UCHL5: variants seen among roughly 807,000 people sequenced by gnomAD.
The protein encoded by UCHL5 is ubiquitin C-terminal hydrolase L5.
Under a neutral mutation model 53.8 loss-of-function variants are expected in UCHL5, and 34 were observed. The observed-to-expected ratio is 0.63, with a 90% confidence interval of 0.48 to 0.84. UCHL5 has a LOEUF of 0.84. UCHL5 is among the 40% of genes least tolerant of loss of function. UCHL5 has a pLI of 0.00. For missense variants in UCHL5, 290 were observed against 385.6 expected, an observed-to-expected ratio of 0.75 and a Z score of 2.08; for synonymous variants, 111 against 126.3, an observed-to-expected ratio of 0.88 and a Z score of 0.81.
chr1:193,043,208 T>A (rs983596038), intron 3 of UCHL5, among the ~76,000 whole-genome samples: 2 of 140,560 alleles, frequency 1.4e-5, no homozygotes, highest in South Asian at 2.3e-4. Context: ...TTGTTTTTTT[T>A]ATGCCTATGC....
At chr1:193,040,356 T>C (rs1316280965) in intron 3 of UCHL5, among the ~76,000 whole-genome samples, 1 of 152,124 alleles carries the variant, frequency 6.6e-6, no homozygotes, top group East Asian at 1.9e-4. Context: ...TAGACATTTC[T>C]CAAAAGACAT....
Position 193,013,079 on chromosome 1 carries a change from G to A in UCHL5, c.*3272C>T, listed in dbSNP as rs1235543944. ...ATAACTATCCAGTTTGTCTGTTTTA[G>A]GCATTTAGGCATAGAAGGTTTAACT... On this transcript the variant is annotated 3_prime_UTR_variant, in exon 11 of 11. Transcript: ENST00000367454. 1.3e-5 allele frequency: 2 copies of A among 152,154 alleles called. No individual in the cohort carries two copies. The highest frequency in any genetic ancestry group is 2.9e-5 in the Non-Finnish European group (2 of 68,034). 9.4% of individuals were successfully genotyped at this position (152,154 alleles called of 1,614,324 possible).
At chr1:193,031,703 C>T (rs1041521137) in intron 3 of UCHL5, among the ~76,000 whole-genome samples, 3 of 152,136 alleles carry the variant, frequency 2.0e-5, no homozygotes, top group African/African-American at 7.2e-5. Context: ...GCACCTACTA[C>T]GTGCCAGACA....
rs551828005 is a variant in UCHL5 at position 193,054,710 on chromosome 1, A to C, written c.77-2893T>G. 9.9e-4 allele frequency among the ~76,000 whole-genome samples: 151 copies of C among 152,212 alleles called. 1 individual carries two copies. Among genetic ancestry groups the C allele is most frequent in the Non-Finnish European group, 1.9e-3 (128 of 68,034 alleles). The stretch of plus-strand genomic sequence containing the variant: ...CCCCAAGACTTCTTGTGTGAAAGCC[A>C]GGCATTATCTCTTTCCTCAAAACAA... On this transcript the variant is annotated intron_variant, in intron 1 of 10. Transcript: ENST00000367454.
intron 3 of UCHL5, among the ~76,000 whole-genome samples, chr1:193,036,081 C>A (rs1249662063): frequency 6.6e-6 from 1 of 151,244 alleles, no homozygotes; most frequent in African/African-American, 2.4e-5. Context: ...ATGGAAGAGA[C>A]CAATTACAAA....
rs1010890634 is a variant in UCHL5 at position 193,015,093 on chromosome 1, G to C, written c.*1258C>G. ...ATTACCTCCAACTGAAATTATGTAT[G>C]AAAAATATTTCATTCGTTTTTCTAT... On this transcript the variant is annotated 3_prime_UTR_variant, in exon 11 of 11. Coordinates refer to ENST00000367454, the MANE Select transcript of UCHL5 (RefSeq NM_001199261.3). 1 of 151,984 alleles carries C rather than the reference G, an allele frequency of 6.6e-6. No individual in the cohort carries two copies. The highest frequency in any genetic ancestry group is 1.9e-4 in the East Asian group (1 of 5,196). 9.4% of individuals were successfully genotyped at this position (151,984 alleles called of 1,614,324 possible). A position where few individuals can be genotyped will look rare whatever the true frequency, so the allele number is the denominator to read the frequency against.
At chr1:193,046,383 A>C (rs892054720) in intron 3 of UCHL5, among the ~76,000 whole-genome samples, 1 of 152,090 alleles carries the variant, frequency 6.6e-6, no homozygotes. Context: ...GACTACTAAA[A>C]GATTAATTAA....
Position 193,052,646 on chromosome 1 carries a change from C to G in UCHL5, c.77-829G>C, listed in dbSNP as rs1306520283. 3.9e-5 allele frequency among the ~76,000 whole-genome samples: 6 copies of G among 152,088 alleles called. No homozygotes were observed. The South Asian group carries it at 1.2e-3, about 32-fold the overall frequency. On this transcript the variant is annotated intron_variant, in intron 1 of 10. Transcript: ENST00000367454. ...GCTCCTACATTTACTAGCAATACAG[C>G]CATTTAAACTCTACATTCCTCACAC...
In UCHL5 at chr1:193,016,280, G is replaced by A; in HGVS notation, c.*71C>T. On this transcript the variant is annotated 3_prime_UTR_variant, in exon 11 of 11. Transcript: ENST00000367454. ...TGAGCCAATTAGGATGTTGCTCTAA[G>A]TTCTTTATACATAATGGTTTCCATG... 1 of 1,565,216 alleles carries A rather than the reference G, an allele frequency of 6.4e-7. No individual in the cohort carries two copies. Among genetic ancestry groups the A allele is most frequent in the African/African-American group, 1.4e-5 (1 of 72,028 alleles).
rs1001626429 is a variant in UCHL5 at position 193,014,750 on chromosome 1, C to A, written c.*1601G>T. On this transcript the variant is annotated 3_prime_UTR_variant, in exon 11 of 11. Transcript: ENST00000367454. ...GCCACCTTTGTCGAAATCAAGTGAT[C>A]ATATAAACGTTGATCTGTTTTCAGG... The A allele has an allele frequency of 6.6e-6, 1 of 152,078 alleles. No individual in the cohort carries two copies. The highest frequency in any genetic ancestry group is 2.4e-5 in the African/African-American group (1 of 41,420). 9.4% of individuals were successfully genotyped at this position (152,078 alleles called of 1,614,324 possible).
intron 3 of UCHL5, among the ~76,000 whole-genome samples, chr1:193,038,810 C>T (rs1664541244): frequency 6.6e-6 from 1 of 151,228 alleles, no homozygotes; most frequent in Non-Finnish European, 1.5e-5. Context: ...AGCTGGTCAA[C>T]ATAATGAGAC....
At chr1:193,060,059 C>A, upstream of UCHL5, 1 of 1,326,230 alleles carries the variant, frequency 7.5e-7, no homozygotes, top group Non-Finnish European at 1.0e-6. Context: ...TCGCTCCCCA[C>A]AGGCCGACGT....
At chr1:193,031,229 A>G (rs1388353767) in intron 3 of UCHL5, among the ~76,000 whole-genome samples, 5 of 152,194 alleles carry the variant, frequency 3.3e-5, no homozygotes, top group African/African-American at 1.2e-4. Context: ...TTATCTGAGG[A>G]TAGCACAGTG....
intron 10 of UCHL5, chr1:193,018,785 T>A: frequency 6.4e-7 from 1 of 1,552,040 alleles, no homozygotes; most frequent in Non-Finnish European, 8.7e-7. Context: ...TTTCCTTCTA[T>A]TCCTTCTCAC....
chr1:193,032,489 A>C (rs146298041), intron 3 of UCHL5, among the ~76,000 whole-genome samples: 1,864 of 152,282 alleles, frequency 0.012, 39 homozygotes, highest in African/African-American at 0.042. Flanking sequence ...TGACTAAAAC[A>C]CCAAAAGCAA....
chr1:193,042,287 TG>T (rs1202303798), intron 3 of UCHL5, among the ~76,000 whole-genome samples: 2 of 152,190 alleles, frequency 1.3e-5, no homozygotes, highest in Non-Finnish European at 2.9e-5. Context: ...AGAAGTACAT[TG>T]AACGATGGGT....
intron 7 of UCHL5, among the ~76,000 whole-genome samples, chr1:193,026,653 A>G (rs560725605): frequency 6.6e-6 from 1 of 152,310 alleles, no homozygotes; most frequent in East Asian, 1.9e-4. Flanking sequence ...GTAGAAATAT[A>G]AAATGGTACA....
At chr1:193,032,858 AT>A (rs1028239676) in intron 3 of UCHL5, among the ~76,000 whole-genome samples, 14 of 152,242 alleles carry the variant, frequency 9.2e-5, no homozygotes, top group African/African-American at 3.1e-4. Context: ...AATGGCGATC[AT>A]TAAAAAGTCA....
At chr1:193,029,881 CATA>C (rs1308950308) in intron 3 of UCHL5, among the ~76,000 whole-genome samples, 1 of 152,130 alleles carries the variant, frequency 6.6e-6, no homozygotes, top group African/African-American at 2.4e-5. Flanking sequence ...TCAATGAACT[CATA>C]ATATTACCAA....
Sources: gnomAD v4.1 joint callset for allele counts (sites outside exome capture counted in the v4.1 genomes callset) on GRCh38, gnomAD v4.1.1 for gene constraint, MANE v1.5 for transcripts, NCBI Gene and HGNC (gene_info 2026-07-23, HGNC 2026-07-21) for gene names.